Variants in ETV3 observed in about 807,000 individuals in gnomAD.
ETV3 encodes the protein ETS variant transcription factor 3.
ETV3 carries 8 observed loss-of-function variants against 33.0 expected under a neutral mutation model. The ratio of observed to expected loss-of-function variants is 0.24; its 90% CI spans 0.14 to 0.44. ETV3 has a LOEUF of 0.44. Among genes scored for constraint, ETV3 ranks in the 20% least tolerant of loss-of-function variants. ETV3 has a pLI of 1.00. For missense variants in ETV3, 473 were observed against 652.3 expected (o/e 0.73, Z 2.99); for synonymous variants, 222 against 238.9 (o/e 0.93, Z 0.65).
intron 2 of ETV3, 102 bp downstream of exon 2, chr1:157,136,205 G>A: frequency 8.9e-7 from 1 of 1,117,338 alleles, no homozygotes; most frequent in Non-Finnish European, 1.4e-6. Flanking sequence ...CCAAGAGAGT[G>A]TCAGTCATGG....
chr1:157,137,462 G>GGCC (rs1675142363), intron 1 of ETV3, among the ~76,000 whole-genome samples: 1 of 151,248 alleles, frequency 6.6e-6, no homozygotes, highest in Non-Finnish European at 1.5e-5. Context: ...AACTACTAGC[G>GGCC]GCCGAGGACA....
rs958586355 is a variant in ETV3, at chr1:157,122,986, C to T, written c.*1855G>A. 1 of 152,198 alleles carries T rather than the reference C, an allele frequency of 6.6e-6. No individual in the cohort carries two copies. The highest frequency in any genetic ancestry group is 1.5e-5 in the Non-Finnish European group (1 of 68,050). 9.4% of individuals were successfully genotyped at this position (152,198 alleles called of 1,614,324 possible). A position where few individuals can be genotyped will look rare whatever the true frequency, so the allele number is the denominator to read the frequency against. ...CCAGGCCATCTACTGTCTCCCTCAC[C>T]TGCCCTAACCTTTTCTGAGTCCCTC... On this transcript the variant is annotated 3_prime_UTR_variant, in exon 5 of 5. Coordinates refer to ENST00000368192, the MANE Select transcript of ETV3 (RefSeq NM_001145312.3).
chr1:157,126,984 C>T (rs1262101493), intron 4 of ETV3, among the ~76,000 whole-genome samples: 1 of 151,282 alleles, frequency 6.6e-6, no homozygotes, highest in Non-Finnish European at 1.5e-5. Context: ...GACAGAGCTG[C>T]CCTGGCTGAC....
intron 4 of ETV3, among the ~76,000 whole-genome samples, chr1:157,131,193 C>A (rs1200072285): frequency 6.6e-6 from 1 of 152,168 alleles, no homozygotes; most frequent in African/African-American, 2.4e-5. Context: ...ATAGACTGAG[C>A]GGTATCAAGT....
At position 157,124,884 on chromosome 1, in the gene ETV3, C is replaced by T. The variant is rs1383991341; in HGVS notation, c.1496G>A (p.Gly499Glu). ...TGTTGCCAAGCCCTGGGGTCCTGAC[C>T]CATTCCAGAGAAACTTGCCACTCTT... ...LSKSGKFLWN[G>E]SGPQGLATAA... The change falls in exon 5 of 5, where the codon GGG (glycine) becomes GAG (glutamate). Residue 499 changes from glycine to glutamate, a missense_variant. Gly to Glu is a moderately conservative substitution (Grantham distance 98, BLOSUM62 -2). Coordinates refer to ENST00000368192, the MANE Select transcript of ETV3 (RefSeq NM_001145312.3). 6.4e-7 allele frequency: 1 copy of T among 1,551,098 alleles called. No individual in the cohort carries two copies. Among genetic ancestry groups the T allele is most frequent in the Middle Eastern group, 1.7e-4 (1 of 5,988 alleles).
intron 1 of ETV3, among the ~76,000 whole-genome samples, chr1:157,136,909 A>G (rs1390794850): frequency 5.3e-5 from 8 of 152,224 alleles, no homozygotes; most frequent in Non-Finnish European, 8.8e-5. Flanking sequence ...CTTCCCAGCC[A>G]CAAACTGCTC....
chr1:157,126,294 T>C (rs1674834143), intron 4 of ETV3, among the ~76,000 whole-genome samples: 1 of 152,162 alleles, frequency 6.6e-6, no homozygotes, highest in Non-Finnish European at 1.5e-5. Flanking sequence ...CACCTCACAG[T>C]TCAGGGCTTA....
In ETV3 at chr1:157,135,207, A is replaced by G. The variant is rs539517313; in HGVS notation, c.284+264T>C. 1.5e-5 allele frequency: 9 copies of G among 587,408 alleles called. No homozygotes were observed. In the East Asian group the frequency reaches 2.0e-4, roughly 13 times the overall value. The allele number at this position is 587,408 out of a possible 1,614,324, so 36.4% of individuals were successfully genotyped here. On this transcript the variant is annotated intron_variant, in intron 3 of 4. Coordinates refer to ENST00000368192, the MANE Select transcript of ETV3 (RefSeq NM_001145312.3). Reference sequence around the variant, plus strand: ...GTTTCACCATATACTCTCGCCCACTACAGAGCAGAATCAGCTGTCTGTCAG... The same window carrying G: ...GTTTCACCATATACTCTCGCCCACTGCAGAGCAGAATCAGCTGTCTGTCAG...
intron 4 of ETV3, 176 bp downstream of exon 4, chr1:157,133,936 C>CGG: frequency 7.0e-7 from 1 of 1,437,830 alleles, no homozygotes; most frequent in Non-Finnish European, 9.1e-7. Context: ...TACTGAATAG[C>CGG]CTATAACTCT....
intron 4 of ETV3, chr1:157,128,501 C>T: frequency 7.1e-6 from 2 of 280,622 alleles, no homozygotes; most frequent in South Asian, 9.3e-5. Context: ...CCACTGGATT[C>T]TCTTACACAG....
At chr1:157,126,944 A>G (rs1412603255) in intron 4 of ETV3, among the ~76,000 whole-genome samples, 8 of 108,484 alleles carry the variant, frequency 7.4e-5, no homozygotes, top group African/African-American at 7.0e-5. Context: ...GTGGGGAGGG[A>G]CAGAGCTGCC....
At chr1:157,136,186 T>A in intron 2 of ETV3, 121 bp downstream of exon 2, 2 of 946,838 alleles carry the variant, frequency 2.1e-6, no homozygotes, top group Admixed American at 2.0e-5. Context: ...CCTGCCAGTA[T>A]CCACCTAGCC....
In ETV3 at chr1:157,124,420, CT is replaced by C. The variant is rs548589032; in HGVS notation, c.*420del. 8 of 157,142 alleles carry C rather than the reference CT, an allele frequency of 5.1e-5. No individual in the cohort carries two copies. Among genetic ancestry groups the C allele is most frequent in the Non-Finnish European group, 1.1e-4 (8 of 71,410 alleles). 9.7% of individuals were successfully genotyped at this position (157,142 alleles called of 1,614,324 possible). ...TACTGCTCAACCTCCCAACCATGCC[CT>C]TTTCCCTTTTATGTGTATCTCTTGG... is the stretch of plus-strand genomic sequence containing the variant. On this transcript the variant is annotated 3_prime_UTR_variant, in exon 5 of 5. Transcript: ENST00000368192.
rs946084331 is a variant in ETV3, at chr1:157,122,748, T to C, written c.*2093A>G. 6.6e-6 allele frequency: 1 copy of C among 152,246 alleles called. No homozygotes were observed. Among genetic ancestry groups the C allele is most frequent in the African/African-American group, 2.4e-5 (1 of 41,452 alleles). 9.4% of individuals were successfully genotyped at this position (152,246 alleles called of 1,614,324 possible). On this transcript the variant is annotated 3_prime_UTR_variant, in exon 5 of 5. Transcript: ENST00000368192. ...TCCCTCATTCACCTGCTGGGCTTGC[T>C]TTCTGATTCAGAGGTAAGTCGAAGT...
At chr1:157,138,180 GC>G in intron 1 of ETV3, 135 bp downstream of exon 1, 1 of 144,144 alleles carries the variant, frequency 6.9e-6, no homozygotes. Flanking sequence ...ACCCTCCCCC[GC>G]CCCCCGCACT....
In ETV3 at chr1:157,135,371, G is replaced by T. The variant is rs973378341; in HGVS notation, c.284+100C>A. 1.9e-5 allele frequency: 26 copies of T among 1,365,674 alleles called. No individual in the cohort carries two copies. In the Admixed American group the frequency reaches 3.6e-4, roughly 19 times the overall value. The allele number at this position is 1,365,674 out of a possible 1,614,324, so 84.6% of individuals were successfully genotyped here. ...GTGACACATTATTCACTAAGATAGTGTAGTCTTTTATTACCTGATACCCTT... is the reference window on the plus strand; with the variant it reads ...GTGACACATTATTCACTAAGATAGTTTAGTCTTTTATTACCTGATACCCTT... On this transcript the variant is annotated intron_variant, in intron 3 of 4. Transcript: ENST00000368192.
chr1:157,132,391 T>C (rs754239613), intron 4 of ETV3, among the ~76,000 whole-genome samples: 104 of 152,350 alleles, frequency 6.8e-4, no homozygotes, highest in Middle Eastern at 3.4e-3. Context: ...CAGGTTTCCT[T>C]GCCCTGGAAA....
rs1319081189 is a variant in ETV3 at position 157,124,885 on chromosome 1, C to T, written c.1495G>A (p.Gly499Arg). Residue 499 changes from glycine (G) to arginine (R), a missense_variant, in exon 5 of 5, where the codon GGG (glycine) becomes AGG (arginine). Coordinates refer to ENST00000368192, the MANE Select transcript of ETV3 (RefSeq NM_001145312.3). ...GTTGCCAAGCCCTGGGGTCCTGACC[C>T]ATTCCAGAGAAACTTGCCACTCTTG... ...LSKSGKFLWN[G>R]SGPQGLATAA... is the part of the protein sequence containing the mutation. The T allele has an allele frequency of 6.4e-7, 1 of 1,551,208 alleles. No homozygotes were observed. Among genetic ancestry groups the T allele is most frequent in the Non-Finnish European group, 8.7e-7 (1 of 1,146,742 alleles).
chr1:157,136,662 A>G (rs1435623070), intron 1 of ETV3, among the ~76,000 whole-genome samples: 1 of 152,222 alleles, frequency 6.6e-6, no homozygotes, highest in Admixed American at 6.5e-5. Flanking sequence ...AAATGTAAAA[A>G]AATAAAAATA....
Sources: gnomAD v4.1 joint callset for allele counts (sites outside exome capture counted in the v4.1 genomes callset) on GRCh38, gnomAD v4.1.1 for gene constraint, MANE v1.5 for transcripts, NCBI Gene and HGNC (gene_info 2026-07-23, HGNC 2026-07-21) for gene names.